CALN1: variants seen among roughly 807,000 people sequenced by gnomAD.
The protein encoded by CALN1 is calneuron 1, also known as calcium-binding protein 8.
In CALN1, 17 loss-of-function variants were observed where a neutral mutation model predicts 30.6. The ratio of observed to expected loss-of-function variants is 0.56; its 90% CI spans 0.38 to 0.83. The LOEUF (loss-of-function observed/expected upper bound fraction) is 0.83, where lower values mean the gene tolerates loss of function less well. CALN1 is among the 40% of genes least tolerant of loss of function. CALN1 has a pLI of 0.00. For synonymous variants in CALN1, 156 were observed against 131.4 expected (o/e 1.19, Z -1.28); for missense variants, 291 against 354.9 (o/e 0.82, Z 1.45).
chr7:72,130,214 C>A (rs1435822053), intron 3 of CALN1, among the ~76,000 whole-genome samples: 1 of 152,160 alleles, frequency 6.6e-6, no homozygotes, highest in Non-Finnish European at 1.5e-5. Flanking sequence ...GAATCATGAG[C>A]CATATAAACC....
At chr7:72,216,227 C>T (rs1417985003) in intron 3 of CALN1, among the ~76,000 whole-genome samples, 1 of 151,826 alleles carries the variant, frequency 6.6e-6, no homozygotes, top group African/African-American at 2.4e-5. Context: ...CCAGCTTGGG[C>T]AATACAGTGA....
At chr7:71,799,474 G>T (rs889252357) in intron 6 of CALN1, among the ~76,000 whole-genome samples, 129 of 148,350 alleles carry the variant, frequency 8.7e-4, no homozygotes, top group African/African-American at 3.0e-3. Context: ...TAGTTAGTTA[G>T]TTAGTTTTTG....
At chr7:71,899,305 G>A (rs949647183) in intron 5 of CALN1, among the ~76,000 whole-genome samples, 2 of 152,020 alleles carry the variant, frequency 1.3e-5, no homozygotes, top group African/African-American at 4.8e-5. Flanking sequence ...CACCGTGCCT[G>A]GCGAATTTTG....
At chr7:72,327,349 T>C (rs1008327903) in intron 2 of CALN1, among the ~76,000 whole-genome samples, 3 of 152,032 alleles carry the variant, frequency 2.0e-5, no homozygotes, top group African/African-American at 7.2e-5. Context: ...GAAAATTAGG[T>C]GTGGTGACAC....
chr7:71,988,834 G>A (rs1015037004), intron 5 of CALN1, among the ~76,000 whole-genome samples: 9 of 152,110 alleles, frequency 5.9e-5, no homozygotes, highest in Admixed American at 1.3e-4. Context: ...AGTGTGTCCA[G>A]CATCTCAGAT....
intron 5 of CALN1, among the ~76,000 whole-genome samples, chr7:71,907,249 C>T (rs1794186994): frequency 6.6e-6 from 1 of 151,958 alleles, no homozygotes; most frequent in Admixed American, 6.6e-5. Context: ...AACACACACA[C>T]ACACACACAC....
chr7:71,870,276 G>A (rs1459911726), intron 5 of CALN1, among the ~76,000 whole-genome samples: 2 of 152,028 alleles, frequency 1.3e-5, no homozygotes, highest in Admixed American at 6.6e-5. Context: ...TCAGCTACTA[G>A]GGAGGCTGAG....
chr7:72,480,548 G>A, the CALN1 span, among the ~76,000 whole-genome samples: 24 of 152,042 alleles, frequency 1.6e-4, no homozygotes, highest in Non-Finnish European at 2.9e-4. Context: ...TTCTAGGAGC[G>A]TTTGTGTGGT....
At chr7:72,386,664 A>C (rs145903813) in intron 2 of CALN1, among the ~76,000 whole-genome samples, 3 of 152,216 alleles carry the variant, frequency 2.0e-5, no homozygotes, top group Admixed American at 2.0e-4. Context: ...GAGATGGGTT[A>C]TCACTCTTTC....
chr7:72,230,976 T>C (rs752601352), intron 3 of CALN1, among the ~76,000 whole-genome samples: 17 of 152,248 alleles, frequency 1.1e-4, no homozygotes, highest in East Asian at 3.9e-4. Flanking sequence ...AGGAGCGTGA[T>C]GAAATCTTAT....
At chr7:72,300,026 G>A (rs968553565) in intron 2 of CALN1, among the ~76,000 whole-genome samples, 13 of 151,990 alleles carry the variant, frequency 8.6e-5, no homozygotes, top group South Asian at 4.2e-4. Context: ...GATTACAGGC[G>A]CATGCCACCA....
In CALN1 at chr7:71,922,482, TTAATA is replaced by T. The variant is rs559941664; in HGVS notation, c.501+101170_501+101174del. Among the ~76,000 whole-genome samples, 522 of 145,424 alleles carry T rather than the reference TTAATA, an allele frequency of 3.6e-3. 2 individuals are homozygous for T. The highest frequency in any genetic ancestry group is 0.013 in the African/African-American group (504 of 39,820). On this transcript the variant is annotated intron_variant, in intron 5 of 6. Coordinates refer to ENST00000395275, the MANE Select transcript of CALN1 (RefSeq NM_031468.4). ...ATTTACATATAAATATGAATATATATTAATATAATATATAATATATAAATACACAA... is the reference window on the plus strand; with the variant it reads ...ATTTACATATAAATATGAATATATATTAATATATAATATATAAATACACAA...
intron 1 of CALN1, among the ~76,000 whole-genome samples, chr7:72,422,508 T>A (rs1807645639): frequency 6.6e-6 from 1 of 152,156 alleles, no homozygotes; most frequent in African/African-American, 2.4e-5. Flanking sequence ...TCTTGCTGAG[T>A]GACACCATCC....
chr7:72,314,434 T>A (rs964780564), intron 2 of CALN1, among the ~76,000 whole-genome samples: 4 of 136,896 alleles, frequency 2.9e-5, no homozygotes, highest in African/African-American at 1.2e-4. Context: ...TACATAGATT[T>A]TTTTTTTTTG....
At chr7:72,073,467 G>A (rs773310127) in intron 4 of CALN1, among the ~76,000 whole-genome samples, 5 of 152,104 alleles carry the variant, frequency 3.3e-5, no homozygotes, top group African/African-American at 4.8e-5. Context: ...CCTCCAGTAA[G>A]ATCTGCTTTC....
At chr7:72,204,832 TAC>T (rs1207147749) in intron 3 of CALN1, among the ~76,000 whole-genome samples, 7 of 152,210 alleles carry the variant, frequency 4.6e-5, no homozygotes, top group African/African-American at 4.8e-5. Context: ...TTTAAACTAA[TAC>T]AGTTATTTTA....
chr7:72,379,484 A>C (rs1804765296), intron 2 of CALN1, among the ~76,000 whole-genome samples: 1 of 152,230 alleles, frequency 6.6e-6, no homozygotes, highest in Non-Finnish European at 1.5e-5. Context: ...CAGAAAAGTC[A>C]CTCAACCTCT....
chr7:71,832,702 G>C (rs935011171), intron 5 of CALN1, among the ~76,000 whole-genome samples: 1 of 152,004 alleles, frequency 6.6e-6, no homozygotes, highest in Non-Finnish European at 1.5e-5. Context: ...CCAGGCTTAA[G>C]TGATCCTCCC....
In CALN1 at chr7:72,239,359, G is replaced by A. The variant is rs141777517; in HGVS notation, c.244+39327C>T. ...TATAATAAGCTATGATTGCACCACC[G>A]CACTCCAGCCTGGACAACAGAACAA... On this transcript the variant is annotated intron_variant, in intron 3 of 6. Transcript: ENST00000395275. 2.8e-3 allele frequency among the ~76,000 whole-genome samples: 422 copies of A among 152,126 alleles called. 10 individuals are homozygous for A. The East Asian group carries it at 0.06, about 21-fold the overall frequency.
Sources: gnomAD v4.1 joint callset for allele counts (sites outside exome capture counted in the v4.1 genomes callset) on GRCh38, gnomAD v4.1.1 for gene constraint, MANE v1.5 for transcripts, NCBI Gene and HGNC (gene_info 2026-07-23, HGNC 2026-07-21) for gene names.